The following JAZF1 variants were observed in gnomAD, a reference collection of about 807,000 sequenced individuals.
The protein encoded by JAZF1 is juxtaposed with another zinc finger protein 1.
JAZF1 carries 8 observed loss-of-function variants against 26.4 expected under a neutral mutation model. The ratio of observed to expected loss-of-function variants is 0.30; its 90% confidence interval spans 0.18 to 0.55. The LOEUF (loss-of-function observed/expected upper bound fraction) is 0.55, where lower values mean the gene tolerates loss of function less well. JAZF1 is among the 20% of genes least tolerant of loss of function. The probability of loss-of-function intolerance (pLI) is 0.94; values close to 1 mark genes in which losing one functional copy is unlikely to be tolerated. For missense variants in JAZF1, 199 were observed against 322.0 expected (o/e 0.62, Z 2.92); for synonymous variants, 126 against 122.3 (o/e 1.03, Z -0.20).
chr7:27,897,566 T>G (rs1276599524), intron 2 of JAZF1, among the ~76,000 whole-genome samples: 1 of 152,206 alleles, frequency 6.6e-6, no homozygotes, highest in Non-Finnish European at 1.5e-5. Flanking sequence ...AAGAATGACC[T>G]CTGACTGGTG....
At chr7:27,873,332 T>C (rs1783618821) in intron 3 of JAZF1, among the ~76,000 whole-genome samples, 1 of 152,246 alleles carries the variant, frequency 6.6e-6, no homozygotes, top group Non-Finnish European at 1.5e-5. Context: ...CGCTCTTCTT[T>C]GATTGCATTA....
chr7:27,869,393 A>G (rs1009338398), intron 3 of JAZF1, among the ~76,000 whole-genome samples: 9 of 152,166 alleles, frequency 5.9e-5, no homozygotes, highest in African/African-American at 2.2e-4. Flanking sequence ...GCCAGTTTGG[A>G]TAGTAGTTTC....
rs772312563 is a variant in JAZF1, at chr7:27,832,836, C to G, written c.696G>C (p.Pro232=). 6 of 1,607,000 alleles carry G rather than the reference C, an allele frequency of 3.7e-6. No individual in the cohort carries two copies. The highest frequency in any genetic ancestry group is 2.7e-5 in the African/African-American group (2 of 74,818). ...LRHHTINFHP[P]VSAEIIRKMQ... is the part of the protein sequence containing the mutation. Reference sequence around the variant, plus strand: ...TCTTCCTGATAATCTCAGCCGACACCGGGGGATGGAAATTGATTGTGTGGT... The same window carrying G: ...TCTTCCTGATAATCTCAGCCGACACGGGGGGATGGAAATTGATTGTGTGGT... Residue 232 remains proline (P), a synonymous_variant, in exon 5 of 5, where the codon CCG becomes CCC. Transcript: ENST00000283928.
Position 27,884,945 on chromosome 7 carries a change from C to T in JAZF1, c.385+10275G>A, listed in dbSNP as rs370226497. Among the ~76,000 whole-genome samples the T allele has an allele frequency of 2.9e-3, 440 of 152,266 alleles. 2 individuals are homozygous for T. The highest frequency in any genetic ancestry group is 0.01 in the African/African-American group (418 of 41,548). The stretch of plus-strand genomic sequence containing the variant: ...ACCTCTGTCAGTTTCACTCTCTCTG[C>T]CGGGCGGAGGGATAATGAGATCTGC... On this transcript the variant is annotated intron_variant, in intron 3 of 4. Coordinates refer to ENST00000283928, the MANE Select transcript of JAZF1 (RefSeq NM_175061.4).
chr7:28,032,865 C>T (rs950193159), intron 1 of JAZF1, among the ~76,000 whole-genome samples: 4 of 152,150 alleles, frequency 2.6e-5, no homozygotes, highest in African/African-American at 9.7e-5. Context: ...TGTGCCGCAT[C>T]CACATGCTCT....
chr7:27,987,636 C>T (rs1468467714), intron 2 of JAZF1, among the ~76,000 whole-genome samples: 4 of 152,084 alleles, frequency 2.6e-5, no homozygotes, highest in Admixed American at 1.3e-4. Flanking sequence ...TGCCCGGCTG[C>T]CCCATCTGGG....
At chr7:28,073,292 C>G (rs931692286) in intron 1 of JAZF1, among the ~76,000 whole-genome samples, 1 of 152,152 alleles carries the variant, frequency 6.6e-6, no homozygotes, top group Non-Finnish European at 1.5e-5. Flanking sequence ...GAAGCCCACA[C>G]ACCCATCCAT....
intron 2 of JAZF1, among the ~76,000 whole-genome samples, chr7:27,973,487 T>C (rs1785414231): frequency 6.6e-6 from 1 of 151,984 alleles, no homozygotes; most frequent in Non-Finnish European, 1.5e-5. Flanking sequence ...TTTGAAGAGA[T>C]GGGGTCTTGC....
chr7:28,026,665 C>A (rs1712204831), intron 1 of JAZF1, among the ~76,000 whole-genome samples: 1 of 152,188 alleles, frequency 6.6e-6, no homozygotes, highest in African/African-American at 2.4e-5. Context: ...CATGCAAAGG[C>A]TATATTTTCA....
intron 3 of JAZF1, among the ~76,000 whole-genome samples, chr7:27,869,177 G>C (rs975493538): frequency 5.9e-5 from 9 of 152,160 alleles, no homozygotes; most frequent in African/African-American, 2.2e-4. Flanking sequence ...ATAAGACTAA[G>C]TGTTATTAGA....
At chr7:28,014,935 A>C (rs933180443) in intron 1 of JAZF1, among the ~76,000 whole-genome samples, 1 of 152,176 alleles carries the variant, frequency 6.6e-6, no homozygotes, top group Non-Finnish European at 1.5e-5. Flanking sequence ...TGCAGAGAGC[A>C]GTGGTTTAAA....
chr7:28,037,715 T>C (rs1783317337), intron 1 of JAZF1, among the ~76,000 whole-genome samples: 1 of 152,202 alleles, frequency 6.6e-6, no homozygotes, highest in Non-Finnish European at 1.5e-5. Context: ...TCTTTCTAAA[T>C]GCCAATTCAC....
intron 1 of JAZF1, among the ~76,000 whole-genome samples, chr7:28,144,576 T>C (rs1782998948): frequency 6.6e-6 from 1 of 152,222 alleles, no homozygotes; most frequent in African/African-American, 2.4e-5. Flanking sequence ...CAGGGGTCTG[T>C]ACAGGCTCTT....
chr7:27,896,387 T>C (rs188320524), intron 2 of JAZF1, among the ~76,000 whole-genome samples: 81 of 152,218 alleles, frequency 5.3e-4, no homozygotes, highest in African/African-American at 2.0e-3. Flanking sequence ...TTTTTGAAAA[T>C]TGCCATAGAA....
intron 2 of JAZF1, among the ~76,000 whole-genome samples, chr7:27,959,620 C>A (rs549173362): frequency 6.6e-6 from 1 of 152,186 alleles, no homozygotes; most frequent in Non-Finnish European, 1.5e-5. Flanking sequence ...GAATTAACAG[C>A]TGGGCACAGT....
At chr7:27,856,769 A>G (rs1171206791) in intron 3 of JAZF1, among the ~76,000 whole-genome samples, 1 of 152,178 alleles carries the variant, frequency 6.6e-6, no homozygotes, top group African/African-American at 2.4e-5. Flanking sequence ...TGGTGCATTC[A>G]CAATCCCTTA....
intron 1 of JAZF1, among the ~76,000 whole-genome samples, chr7:28,170,746 AGACTTTCAGG>A (rs1273520472): frequency 2.6e-5 from 4 of 152,198 alleles, no homozygotes; most frequent in Admixed American, 2.6e-4. Flanking sequence ...TATTTCTCCA[AGACTTTCAGG>A]TGCGGAAGAG....
intron 2 of JAZF1, among the ~76,000 whole-genome samples, chr7:27,951,795 T>C (rs1785012408): frequency 6.6e-6 from 1 of 152,168 alleles, no homozygotes; most frequent in Non-Finnish European, 1.5e-5. Context: ...AGAAAAGGTA[T>C]CTGGTGTAAG....
intron 1 of JAZF1, among the ~76,000 whole-genome samples, chr7:28,132,871 C>T (rs1000730856): frequency 2.0e-5 from 3 of 152,252 alleles, no homozygotes; most frequent in African/African-American, 7.2e-5. Context: ...TGAGCCTTCA[C>T]ACCGTGTACT....
Sources: allele counts gnomAD v4.1 joint callset (sites outside exome capture counted in the v4.1 genomes callset), GRCh38; gene constraint gnomAD v4.1.1; transcripts MANE v1.5; gene names NCBI Gene and HGNC (gene_info 2026-07-23, HGNC 2026-07-21).